NCEH1: variants seen among roughly 807,000 people sequenced by gnomAD.
NCEH1 encodes 2-acetyl MAGE hydrolase.
A neutral mutation model predicts 25.4 loss-of-function variants in NCEH1; 9 were observed. The observed-to-expected ratio is 0.35, with a 90% confidence interval of 0.21 to 0.62. The LOEUF is 0.62. Ranked by LOEUF, NCEH1 falls within the 20% of genes least tolerant of loss-of-function variation. NCEH1 has a pLI of 0.72. For missense variants in NCEH1, 412 were observed against 501.1 expected (o/e 0.82, Z 1.70); for synonymous variants, 200 against 199.8 (o/e 1.00, Z -0.01).
At chr3:172,654,671 C>G (rs972717839) in intron 1 of NCEH1, among the ~76,000 whole-genome samples, 1 of 152,206 alleles carries the variant, frequency 6.6e-6, no homozygotes, top group African/African-American at 2.4e-5. Context: ...CCATACACAT[C>G]AATGACTTCG....
At chr3:172,701,122 A>G (rs1713651491) in intron 1 of NCEH1, among the ~76,000 whole-genome samples, 1 of 152,158 alleles carries the variant, frequency 6.6e-6, no homozygotes, top group African/African-American at 2.4e-5. Flanking sequence ...CCATATCACC[A>G]GCCCAGCTCT....
At chr3:172,634,723 A>G (rs1161927099) in intron 4 of NCEH1, among the ~76,000 whole-genome samples, 1 of 152,184 alleles carries the variant, frequency 6.6e-6, no homozygotes, top group Non-Finnish European at 1.5e-5. Flanking sequence ...ACCTCCCCAC[A>G]GTGTTAACAT....
chr3:172,689,224 T>G (rs1389226474), intron 1 of NCEH1, among the ~76,000 whole-genome samples: 1 of 151,250 alleles, frequency 6.6e-6, no homozygotes, highest in Non-Finnish European at 1.5e-5. Context: ...GATATTCACA[T>G]GTACCTCATG....
intron 1 of NCEH1, among the ~76,000 whole-genome samples, chr3:172,659,720 C>A (rs755976876): frequency 3.3e-5 from 5 of 152,158 alleles, no homozygotes; most frequent in Middle Eastern, 3.2e-3. Context: ...CACATATTTA[C>A]CCAAAGGGAA....
intron 1 of NCEH1, among the ~76,000 whole-genome samples, chr3:172,676,123 T>C (rs1297763809): frequency 1.3e-5 from 2 of 152,048 alleles, no homozygotes; most frequent in Non-Finnish European, 2.9e-5. Flanking sequence ...AGCAGTTAGG[T>C]TTGCTTCTCT....
chr3:172,678,882 C>T (rs1712174536), intron 1 of NCEH1, among the ~76,000 whole-genome samples: 1 of 152,146 alleles, frequency 6.6e-6, no homozygotes. Flanking sequence ...AGAAATAGCA[C>T]TTGAACATAA....
chr3:172,690,346 A>G (rs1480358688), intron 1 of NCEH1, among the ~76,000 whole-genome samples: 2 of 152,240 alleles, frequency 1.3e-5, no homozygotes, highest in African/African-American at 4.8e-5. Context: ...CAAGAATTTT[A>G]ATGTCAACTC....
chr3:172,671,716 T>A (rs1711640632), intron 1 of NCEH1, among the ~76,000 whole-genome samples: 1 of 151,710 alleles, frequency 6.6e-6, no homozygotes, highest in African/African-American at 2.4e-5. Context: ...ATATCAGGTG[T>A]ATATAAATGT....
intron 1 of NCEH1, among the ~76,000 whole-genome samples, chr3:172,710,548 G>C (rs911900820): frequency 3.9e-5 from 6 of 152,240 alleles, no homozygotes; most frequent in African/African-American, 1.4e-4. Flanking sequence ...TTTTGACGTT[G>C]CAAACCAAGG....
chr3:172,678,233 A>G (rs1299085330), intron 1 of NCEH1, among the ~76,000 whole-genome samples: 1 of 152,200 alleles, frequency 6.6e-6, no homozygotes, highest in African/African-American at 2.4e-5. Flanking sequence ...AGTGTCTGAG[A>G]AAATTAGCAT....
chr3:172,669,508 G>GTA (rs1711507914), intron 1 of NCEH1, among the ~76,000 whole-genome samples: 1 of 152,130 alleles, frequency 6.6e-6, no homozygotes, highest in African/African-American at 2.4e-5. Context: ...GAACTTCCAG[G>GTA]TATTAACAGA....
At chr3:172,688,811 T>G (rs1213922320) in intron 1 of NCEH1, among the ~76,000 whole-genome samples, 1 of 152,012 alleles carries the variant, frequency 6.6e-6, no homozygotes, top group African/African-American at 2.4e-5. Flanking sequence ...CCCTTGTCCT[T>G]GGGGCTGACA....
intron 1 of NCEH1, among the ~76,000 whole-genome samples, chr3:172,690,161 C>T (rs1479356912): frequency 6.6e-6 from 1 of 152,084 alleles, no homozygotes; most frequent in Non-Finnish European, 1.5e-5. Flanking sequence ...CCTCGGCCTC[C>T]CAAAGTGCTG....
rs1375532852 is a variant in NCEH1 at position 172,630,618 on chromosome 3, T to C, written c.*2857A>G. 6.6e-6 allele frequency: 1 copy of C among 152,184 alleles called. No homozygotes were observed. Among genetic ancestry groups the C allele is most frequent in the East Asian group, 1.9e-4 (1 of 5,196 alleles). 9.4% of individuals were successfully genotyped at this position (152,184 alleles called of 1,614,324 possible). On this transcript the variant is annotated 3_prime_UTR_variant, in exon 5 of 5. Coordinates refer to ENST00000475381, the MANE Select transcript of NCEH1 (RefSeq NM_020792.6). Reference sequence around the variant, plus strand: ...AAGAGAAGAGAACACTGTTTTCAAATGGGAAACAGAAAATGAGACGGGAAA... The same window carrying C: ...AAGAGAAGAGAACACTGTTTTCAAACGGGAAACAGAAAATGAGACGGGAAA...
intron 3 of NCEH1, 188 bp from the exon 4 acceptor site, chr3:172,636,275 G>A (rs1716594817): frequency 2.3e-6 from 1 of 427,400 alleles, no homozygotes. Flanking sequence ...CAAATACTTA[G>A]TTTAAAATGT....
chr3:172,676,365 T>C (rs1711996578), intron 1 of NCEH1, among the ~76,000 whole-genome samples: 1 of 152,158 alleles, frequency 6.6e-6, no homozygotes, highest in African/African-American at 2.4e-5. Flanking sequence ...CTTGTCACCA[T>C]GTGTGCCAAG....
chr3:172,695,555 G>A (rs1358652452), intron 1 of NCEH1, among the ~76,000 whole-genome samples: 1 of 152,168 alleles, frequency 6.6e-6, no homozygotes, highest in Non-Finnish European at 1.5e-5. Context: ...ACCTCTTTGT[G>A]CCTCAATTTC....
intron 1 of NCEH1, among the ~76,000 whole-genome samples, chr3:172,685,152 G>A (rs1429134476): frequency 6.6e-6 from 1 of 152,022 alleles, no homozygotes; most frequent in Admixed American, 6.5e-5. Flanking sequence ...AGCTAGCTGG[G>A]TGTGGCAGGT....
Position 172,633,364 on chromosome 3 carries a change from C to G in NCEH1, c.*111G>C, listed in dbSNP as rs1469411484. The G allele has an allele frequency of 1.9e-6, 2 of 1,029,790 alleles. No individual in the cohort carries two copies. The allele number at this position is 1,029,790 out of a possible 1,614,324, so 63.8% of individuals were successfully genotyped here. On this transcript the variant is annotated 3_prime_UTR_variant, in exon 5 of 5. Transcript: ENST00000475381. The stretch of plus-strand genomic sequence containing the variant: ...GTTATGGAATAGAAATTCCATAACT[C>G]GCAAGTAGAGGGGAATGGGAGGAAG...
Sources: gnomAD v4.1 joint callset for allele counts (sites outside exome capture counted in the v4.1 genomes callset) on GRCh38, gnomAD v4.1.1 for gene constraint, MANE v1.5 for transcripts, NCBI Gene and HGNC (gene_info 2026-07-23, HGNC 2026-07-21) for gene names.